Variants in DLK1 observed in about 807,000 individuals in gnomAD.
DLK1 encodes protein delta homolog 1.
In DLK1, 9 loss-of-function variants were observed where a neutral mutation model predicts 35.2. The observed-to-expected ratio is 0.26, with a 90% CI of 0.15 to 0.45. The LOEUF (loss-of-function observed/expected upper bound fraction) is 0.45. Among genes scored for constraint, DLK1 ranks in the 20% least tolerant of loss-of-function variants. The pLI, the probability that DLK1 is intolerant of heterozygous loss-of-function variation, is 1.00. For synonymous variants in DLK1, 231 were observed against 228.4 expected, an observed-to-expected ratio of 1.01 and a Z score of -0.10; for missense variants, 522 against 528.5, an observed-to-expected ratio of 0.99 and a Z score of 0.12.
intron 1 of DLK1, 78 bp downstream of exon 1, chr14:100,727,213 C>G (rs2036445636): frequency 7.1e-7 from 1 of 1,402,286 alleles, no homozygotes; most frequent in Admixed American, 2.3e-5. Context: ...GTGCCCCGCA[C>G]GCCCCGTCTC....
In DLK1 at chr14:100,732,016, T is replaced by C. The variant is rs545521178; in HGVS notation, c.263-26T>C. On this transcript the variant is annotated intron_variant, in intron 3 of 4. Coordinates refer to ENST00000341267, the MANE Select transcript of DLK1 (RefSeq NM_003836.7). ...GCTCGTGTATGGAGAGGAAGCTAAG[T>C]TCTCGTCTTCCCCGTCACCCCGCAG... 1.0e-5 allele frequency: 16 copies of C among 1,598,824 alleles called. No homozygotes were observed. The South Asian group carries it at 1.8e-4, about 18-fold the overall frequency.
At chr14:100,732,220 G>A in intron 4 of DLK1, 37 bp downstream of exon 4, 1 of 1,593,840 alleles carries the variant, frequency 6.3e-7, no homozygotes, top group Non-Finnish European at 8.6e-7. Flanking sequence ...AATGAATGCT[G>A]CTTTTCATGC....
rs1370435778 is a variant in DLK1, at chr14:100,731,901, T to C, written c.263-141T>C. 6 of 1,076,762 alleles carry C rather than the reference T, an allele frequency of 5.6e-6. No homozygotes were observed. In the East Asian group the frequency reaches 1.8e-4, roughly 32 times the overall value. The allele number at this position is 1,076,762 out of a possible 1,614,324, so 66.7% of individuals were successfully genotyped here. A position where few individuals can be genotyped will look rare whatever the true frequency, so the allele number is the denominator to read the frequency against. Reference sequence around the variant, plus strand: ...AGCCTCAGCTTACTCACTTCATGGGTTTTTTTGAGGGGGCTCCCTAAACCC... The same window carrying C: ...AGCCTCAGCTTACTCACTTCATGGGCTTTTTTGAGGGGGCTCCCTAAACCC... On this transcript the variant is annotated intron_variant, in intron 3 of 4. Coordinates refer to ENST00000341267, the MANE Select transcript of DLK1 (RefSeq NM_003836.7).
intron 1 of DLK1, among the ~76,000 whole-genome samples, chr14:100,727,376 G>C (rs1000099586): frequency 6.6e-6 from 1 of 152,242 alleles, no homozygotes; most frequent in Non-Finnish European, 1.5e-5. Context: ...CCCTGCAGAA[G>C]TGGCGCCAGA....
chr14:100,730,137 G>T (rs1177152422), intron 3 of DLK1, among the ~76,000 whole-genome samples: 1 of 152,138 alleles, frequency 6.6e-6, no homozygotes, highest in African/African-American at 2.4e-5. Flanking sequence ...ATTGTCTCTG[G>T]TCCTTAATTC....
At chr14:100,731,499 C>T (rs1363215806) in intron 3 of DLK1, among the ~76,000 whole-genome samples, 4 of 152,118 alleles carry the variant, frequency 2.6e-5, no homozygotes, top group Non-Finnish European at 5.9e-5. Flanking sequence ...CTGGGGTTAA[C>T]AGGTTTCTTG....
chr14:100,733,346 C>T (rs985021590), intron 4 of DLK1, among the ~76,000 whole-genome samples: 9 of 152,252 alleles, frequency 5.9e-5, no homozygotes, highest in South Asian at 4.1e-4. Flanking sequence ...TGCCATTTAT[C>T]GGATGACAAA....
In DLK1 at chr14:100,734,781, A is replaced by C; in HGVS notation, c.1037A>C (p.Lys346Thr). Residue 346 changes from lysine to threonine, a missense_variant, in exon 5 of 5, where the codon AAG becomes ACG. Coordinates refer to ENST00000341267, the MANE Select transcript of DLK1 (RefSeq NM_003836.7). This position sits in a 1 kb window ranked among gnomAD's most constrained non-coding sequence, Gnocchi z 7.4. ...NLRYNHMLRKKKNLLLQYNSG... is the reference protein window; with the variant it reads ...NLRYNHMLRKTKNLLLQYNSG... ...CGCTACAACCACATGCTGCGGAAGA[A>C]GAAGAACCTGCTGCTTCAGTACAAC... 6.2e-7 allele frequency: 1 copy of C among 1,614,042 alleles called. No individual in the cohort carries two copies.
In DLK1 at chr14:100,727,035, C is replaced by T; in HGVS notation, c.-34C>T. ...GCCAGGAGCCGGACCCGCGCCCGCA[C>T]CGCTCCCGGGACCGCGACCCCGGCC... is the stretch of plus-strand genomic sequence containing the variant. On this transcript the variant is annotated 5_prime_UTR_variant, in exon 1 of 5. Transcript: ENST00000341267. 6.5e-7 allele frequency: 1 copy of T among 1,545,868 alleles called. No homozygotes were observed. Among genetic ancestry groups the T allele is most frequent in the Non-Finnish European group, 8.7e-7 (1 of 1,149,182 alleles).
intron 3 of DLK1, among the ~76,000 whole-genome samples, chr14:100,729,476 A>C (rs1226680653): frequency 6.6e-6 from 1 of 151,400 alleles, no homozygotes; most frequent in Admixed American, 6.6e-5. Flanking sequence ...CACACGCAAG[A>C]CTGTAAAGAG....
chr14:100,734,566 G>C lies in DLK1; in HGVS notation c.822G>C (p.Glu274Asp). The C allele has an allele frequency of 1.2e-6, 2 of 1,613,436 alleles. No homozygotes were observed. The highest frequency in any genetic ancestry group is 1.7e-6 in the Non-Finnish European group (2 of 1,179,990). ...ACCGCCTGACCCCTGGGGTGCACGA[G>C]CTGCCGGTGCAGCAGCCGGAGCACC... ...LAYRLTPGVH[E>D]LPVQQPEHRI... Residue 274 changes from glutamate to aspartate, a missense_variant, in exon 5 of 5, where the codon GAG (glutamate) becomes GAC (aspartate). By Grantham distance (45) the Glu-to-Asp change is conservative. Transcript: ENST00000341267. The surrounding 1 kb of genome is among the most constrained non-coding windows in gnomAD (Gnocchi z 7.4).
chr14:100,733,910 A>C (rs2036537033), intron 4 of DLK1, among the ~76,000 whole-genome samples: 1 of 136,536 alleles, frequency 7.3e-6, no homozygotes, highest in Non-Finnish European at 1.6e-5. Context: ...TGAGGTGGGC[A>C]CCCACCCACC....
Position 100,734,486 on chromosome 14 carries a change from C to T in DLK1, c.742C>T (p.Arg248Cys), listed in dbSNP as rs750758776. The change falls in exon 5 of 5, where the codon CGC becomes TGC. Residue 248 changes from arginine (R) to cysteine (C), a missense_variant. Physicochemically the swap from Arg to Cys is radical, Grantham distance 180. Transcript: ENST00000341267. The surrounding 1 kb of genome is among the most constrained non-coding windows in gnomAD (Gnocchi z 7.4). ...EFTGLTCVKK[R>C]ALSPQQVTRL... Reference sequence around the variant, plus strand: ...CACAGGTCTCACCTGTGTCAAGAAGCGCGCGCTGAGCCCCCAGCAGGTCAC... The same window carrying T: ...CACAGGTCTCACCTGTGTCAAGAAGTGCGCGCTGAGCCCCCAGCAGGTCAC... 3 of 1,611,276 alleles carry T rather than the reference C, an allele frequency of 1.9e-6. No homozygotes were observed. The highest frequency in any genetic ancestry group is 2.5e-6 in the Non-Finnish European group (3 of 1,178,594).
At chr14:100,732,845 C>T (rs1044314343) in intron 4 of DLK1, among the ~76,000 whole-genome samples, 13 of 152,212 alleles carry the variant, frequency 8.5e-5, no homozygotes, top group African/African-American at 1.7e-4. Context: ...CATCCCTCCC[C>T]GCTGGATGGG....
At position 100,736,609 on chromosome 14, in the gene DLK1, C is replaced by T. The variant is rs990224330; in HGVS notation, c.*1713C>T. The stretch of plus-strand genomic sequence containing the variant: ...CCAACACCCCACTCTCCCCACCAAG[C>T]CATTGGTCTCCTCACTCCCGGTCCT... On this transcript the variant is annotated 3_prime_UTR_variant, in exon 5 of 5. Coordinates refer to ENST00000341267, the MANE Select transcript of DLK1 (RefSeq NM_003836.7). 6.6e-6 allele frequency: 1 copy of T among 152,644 alleles called. No homozygotes were observed. 9.5% of individuals were successfully genotyped at this position (152,644 alleles called of 1,614,324 possible). A position where few individuals can be genotyped will look rare whatever the true frequency, so the allele number is the denominator to read the frequency against.
rs1052897584 is a variant in DLK1 at position 100,735,013 on chromosome 14, G to A, written c.*117G>A. 18 of 1,374,962 alleles carry A rather than the reference G, an allele frequency of 1.3e-5. No homozygotes were observed. Among genetic ancestry groups the A allele is most frequent in the Non-Finnish European group, 1.7e-5 (17 of 1,027,972 alleles). The allele number at this position is 1,374,962 out of a possible 1,614,324, so 85.2% of individuals were successfully genotyped here. A position where few individuals can be genotyped will look rare whatever the true frequency, so the allele number is the denominator to read the frequency against. On this transcript the variant is annotated 3_prime_UTR_variant, in exon 5 of 5. Coordinates refer to ENST00000341267, the MANE Select transcript of DLK1 (RefSeq NM_003836.7). ...TTGTGTCAAATCTGGTGAACGCTAC[G>A]CTTACATATATTGTCTTTGTGCTGC...
At chr14:100,728,612 A>T in intron 2 of DLK1, 153 bp downstream of exon 2, 1 of 135,968 alleles carries the variant, frequency 7.4e-6, no homozygotes, top group Non-Finnish European at 1.2e-5. Flanking sequence ...CGAGCTGGGG[A>T]GATGGGGGGG....
chr14:100,728,877 C>T (rs1297314345), intron 2 of DLK1, 59 bp from the exon 3 acceptor site: 3 of 1,588,428 alleles, frequency 1.9e-6, no homozygotes, highest in Non-Finnish European at 2.6e-6. Context: ...GTAGCCTGAG[C>T]TGCCTCTCTA....
rs73343664 is a variant in DLK1, at chr14:100,736,821, A to G, written c.*1925A>G. 0.039 allele frequency: 4,130 copies of G among 105,960 alleles called. 213 individuals carry two copies. Among genetic ancestry groups the G allele is most frequent in the African/African-American group, 0.14 (3,847 of 28,140 alleles). 6.6% of individuals were successfully genotyped at this position (105,960 alleles called of 1,614,324 possible). On this transcript the variant is annotated 3_prime_UTR_variant, in exon 5 of 5. Transcript: ENST00000341267. ...CAAAAACCCTGTCACCCCACCGACC[A>G]CCATCATCACTGGCAAGCCCCTTCC...
Sources: gnomAD v4.1 joint callset for allele counts (sites outside exome capture counted in the v4.1 genomes callset) on GRCh38, gnomAD v4.1.1 for gene constraint, Gnocchi (gnomAD v3.1) non-coding constraint, MANE v1.5 for transcripts, NCBI Gene and HGNC (gene_info 2026-07-23, HGNC 2026-07-21) for gene names.